NVL: variants seen among roughly 807,000 people sequenced by gnomAD.
The protein encoded by NVL is nuclear VCP like, also known as nuclear valosin-containing protein-like.
A neutral mutation model predicts 110.2 loss-of-function variants in NVL; 84 were observed. The observed-to-expected ratio is 0.76, with a 90% CI of 0.64 to 0.91. The LOEUF is 0.91. NVL is among the 40% of genes least tolerant of loss of function. NVL has a pLI of 0.00. For missense variants in NVL, 882 were observed against 1,035.9 expected, an observed-to-expected ratio of 0.85 and a Z score of 2.04; for synonymous variants, 354 against 361.1, an observed-to-expected ratio of 0.98 and a Z score of 0.22.
intron 13 of NVL, chr1:224,289,225 G>C (rs967235420): frequency 5.7e-5 from 23 of 406,304 alleles, no homozygotes; most frequent in Non-Finnish European, 9.7e-5. Flanking sequence ...CGTGGTGGGT[G>C]GGTAGGCCAC....
At chr1:224,247,055 CAAAAAAAAAA>C (rs57687356) in intron 19 of NVL, among the ~76,000 whole-genome samples, 1 of 93,522 alleles carries the variant, frequency 1.1e-5, no homozygotes, top group African/African-American at 4.5e-5. Flanking sequence ...CATACTGTGT[CAAAAAAAAAA>C]AAAAAAAAAC....
chr1:224,261,457 T>C (rs1178802759), intron 18 of NVL, among the ~76,000 whole-genome samples: 1 of 152,162 alleles, frequency 6.6e-6, no homozygotes, highest in Non-Finnish European at 1.5e-5. Flanking sequence ...TTTAAACAGC[T>C]AGATAATAGA....
Position 224,316,245 on chromosome 1 carries a change from A to G in NVL, c.284+1449T>C, listed in dbSNP as rs1670048647. ...CATGTCCATACATACTTATCAATAA[A>G]AAGCAATGAACTATTGATACACACA... On this transcript the variant is annotated intron_variant, in intron 4 of 22. Transcript: ENST00000281701. 2.6e-5 allele frequency among the ~76,000 whole-genome samples: 4 copies of G among 152,212 alleles called. No individual in the cohort carries two copies. In the South Asian group the frequency reaches 8.3e-4, roughly 32 times the overall value.
intron 19 of NVL, among the ~76,000 whole-genome samples, chr1:224,246,475 A>G (rs1661833757): frequency 6.6e-6 from 1 of 152,206 alleles, no homozygotes; most frequent in Admixed American, 6.5e-5. Context: ...AGAATGAGCC[A>G]ATCATTCTCT....
chr1:224,234,055 G>A (rs1660196268), intron 20 of NVL, among the ~76,000 whole-genome samples: 2 of 152,170 alleles, frequency 1.3e-5, no homozygotes, highest in African/African-American at 4.8e-5. Context: ...AAAGTCACTT[G>A]TGGCTCCAAG....
At chr1:224,260,310 G>A (rs921639961) in intron 18 of NVL, among the ~76,000 whole-genome samples, 4 of 152,084 alleles carry the variant, frequency 2.6e-5, no homozygotes. Context: ...TCTGTCACCA[G>A]GCTGAAGTGC....
At chr1:224,281,924 G>A (rs1294923653) in intron 15 of NVL, among the ~76,000 whole-genome samples, 1 of 146,846 alleles carries the variant, frequency 6.8e-6, no homozygotes, top group African/African-American at 2.5e-5. Flanking sequence ...TAGCACTCCA[G>A]CCTGGGCGAC....
At chr1:224,242,403 A>C (rs1661298247) in intron 19 of NVL, among the ~76,000 whole-genome samples, 1 of 152,156 alleles carries the variant, frequency 6.6e-6, no homozygotes, top group South Asian at 2.1e-4. Context: ...ATATGTTATG[A>C]AATACTCAGG....
rs971719963 is a variant in NVL at position 224,312,848 on chromosome 1, GA to G, written c.285-992del. 9.2e-3 allele frequency: 1,039 copies of G among 113,486 alleles called. 6 individuals carry two copies. Among genetic ancestry groups the G allele is most frequent in the Non-Finnish European group, 0.014 (751 of 52,820 alleles). The allele number at this position is 113,486 out of a possible 1,614,324, so 7.0% of individuals were successfully genotyped here. A position where few individuals can be genotyped will look rare whatever the true frequency, so the allele number is the denominator to read the frequency against. On this transcript the variant is annotated intron_variant, in intron 4 of 22. Coordinates refer to ENST00000281701, the MANE Select transcript of NVL (RefSeq NM_002533.4). Reference sequence around the variant, plus strand: ...AAAAAAAAAAAAACTATTTAAATAAGAAAAAAAAAAAGCCCTTTTCTTATTT... The same window carrying G: ...AAAAAAAAAAAAACTATTTAAATAAGAAAAAAAAAAGCCCTTTTCTTATTT...
intron 4 of NVL, among the ~76,000 whole-genome samples, chr1:224,314,230 A>G (rs2102751694): frequency 6.6e-6 from 1 of 152,360 alleles, no homozygotes; most frequent in Middle Eastern, 3.4e-3. Flanking sequence ...TTCAACATAA[A>G]AAAGTGATGT....
intron 19 of NVL, among the ~76,000 whole-genome samples, chr1:224,247,452 C>T (rs551486965): frequency 5.9e-5 from 9 of 151,874 alleles, no homozygotes; most frequent in African/African-American, 1.7e-4. Flanking sequence ...AGGTGGATCA[C>T]GAGGTCAGGA....
chr1:224,231,094 C>T (rs867891699), intron 22 of NVL, 132 bp downstream of exon 22: 1 of 610,270 alleles, frequency 1.6e-6, no homozygotes, highest in Non-Finnish European at 2.9e-6. Context: ...GATCGCACCA[C>T]TGCACTCCAG....
chr1:224,279,487 C>T (rs1666106897), intron 16 of NVL, among the ~76,000 whole-genome samples: 1 of 152,108 alleles, frequency 6.6e-6, no homozygotes, highest in Non-Finnish European at 1.5e-5. Flanking sequence ...CAAAATAATA[C>T]ACACTATTTA....
chr1:224,240,225 G>A (rs192282430), intron 19 of NVL, among the ~76,000 whole-genome samples: 61 of 152,014 alleles, frequency 4.0e-4, no homozygotes, highest in Middle Eastern at 3.4e-3. Context: ...CCGCCACCAC[G>A]CCTGGCTAAT....
At chr1:224,266,489 G>A (rs1050390169) in intron 18 of NVL, among the ~76,000 whole-genome samples, 2 of 152,124 alleles carry the variant, frequency 1.3e-5, no homozygotes, top group African/African-American at 4.8e-5. Context: ...TTTCGCCTTG[G>A]GGTGATGCAG....
At chr1:224,257,055 T>C (rs1445839645) in intron 18 of NVL, 7 of 532,324 alleles carry the variant, frequency 1.3e-5, no homozygotes, top group Non-Finnish European at 2.3e-5. Flanking sequence ...CCTTTTGCCC[T>C]CTCAACCCAG....
chr1:224,268,922 G>A (rs765712849), intron 17 of NVL, among the ~76,000 whole-genome samples: 5 of 152,106 alleles, frequency 3.3e-5, no homozygotes, highest in African/African-American at 7.2e-5. Flanking sequence ...GCCTCCCAAA[G>A]TGCTGGGATT....
At chr1:224,233,341 G>A (rs1558230577) in intron 20 of NVL, 52 bp from the exon 21 acceptor site, 1 of 1,408,370 alleles carries the variant, frequency 7.1e-7, no homozygotes, top group Non-Finnish European at 9.5e-7. Context: ...CAAAATCCCA[G>A]AAAAAAACCC....
At chr1:224,284,140 A>C (rs1558303553) in intron 15 of NVL, among the ~76,000 whole-genome samples, 1 of 152,156 alleles carries the variant, frequency 6.6e-6, no homozygotes, top group East Asian at 1.9e-4. Context: ...TCCAATGGGG[A>C]AAAAAGCACA....
Sources: allele counts gnomAD v4.1 joint callset (sites outside exome capture counted in the v4.1 genomes callset), GRCh38; gene constraint gnomAD v4.1.1; transcripts MANE v1.5; gene names NCBI Gene and HGNC (gene_info 2026-07-23, HGNC 2026-07-21).